The following PTPRD variants were observed in gnomAD, a reference collection of about 807,000 sequenced individuals.
The protein encoded by PTPRD is receptor-type tyrosine-protein phosphatase delta.
Under a neutral mutation model 214.5 loss-of-function variants are expected in PTPRD, and 34 were observed. The observed-to-expected ratio is 0.16, with a 90% confidence interval of 0.12 to 0.21. The LOEUF is 0.21. Among genes scored for constraint, PTPRD ranks in the 10% least tolerant of loss-of-function variants. The pLI, the probability that PTPRD is intolerant of heterozygous loss-of-function variation, is 1.00. For missense variants in PTPRD, 2,545 were observed against 2,398.7 expected, an observed-to-expected ratio of 1.06 and a Z score of -1.27; for synonymous variants, 1,128 against 845.7, an observed-to-expected ratio of 1.33 and a Z score of -5.79.
At chr9:8,432,836 T>A (rs893982259) in intron 35 of PTPRD, among the ~76,000 whole-genome samples, 1 of 152,186 alleles carries the variant, frequency 6.6e-6, no homozygotes, top group Non-Finnish European at 1.5e-5. Context: ...TCATGGATCA[T>A]CATCATGAAC....
intron 9 of PTPRD, among the ~76,000 whole-genome samples, chr9:9,373,650 C>G (rs898045346): frequency 6.6e-6 from 1 of 152,128 alleles, no homozygotes; most frequent in Non-Finnish European, 1.5e-5. Context: ...TTCTGCTCTT[C>G]TCTAATGAAA....
At chr9:10,013,064 A>G (rs762266980) in intron 4 of PTPRD, among the ~76,000 whole-genome samples, 2 of 151,968 alleles carry the variant, frequency 1.3e-5, no homozygotes, top group Admixed American at 6.6e-5. Context: ...GAAGTGGCAA[A>G]TCAATGATTT....
At chr9:9,265,392 T>C (rs1419799978) in intron 9 of PTPRD, among the ~76,000 whole-genome samples, 1 of 151,548 alleles carries the variant, frequency 6.6e-6, no homozygotes, top group Non-Finnish European at 1.5e-5. Context: ...TAGCTAGGAT[T>C]ACAGGCACAT....
intron 4 of PTPRD, among the ~76,000 whole-genome samples, chr9:9,969,993 C>A (rs541770248): frequency 6.6e-6 from 1 of 152,234 alleles, no homozygotes; most frequent in South Asian, 2.1e-4. Flanking sequence ...ATCTGGAGAA[C>A]TGTCATTCAG....
intron 9 of PTPRD, among the ~76,000 whole-genome samples, chr9:9,282,247 T>G (rs1324730580): frequency 6.6e-6 from 1 of 151,296 alleles, no homozygotes. Context: ...AATGTTTCAA[T>G]GTAGGCTCAT....
intron 35 of PTPRD, among the ~76,000 whole-genome samples, chr9:8,422,021 T>A (rs1168864294): frequency 6.6e-6 from 1 of 151,252 alleles, no homozygotes; most frequent in Non-Finnish European, 1.5e-5. Flanking sequence ...TGGTGTGTGT[T>A]TGTAATCTCA....
chr9:9,831,355 A>C (rs1231673928), intron 5 of PTPRD, among the ~76,000 whole-genome samples: 1 of 151,934 alleles, frequency 6.6e-6, no homozygotes, highest in Non-Finnish European at 1.5e-5. Context: ...ATTAAATCCT[A>C]TTACTTATGA....
At chr9:9,366,496 A>C (rs1274263335) in intron 9 of PTPRD, among the ~76,000 whole-genome samples, 1 of 151,516 alleles carries the variant, frequency 6.6e-6, no homozygotes, top group Non-Finnish European at 1.5e-5. Context: ...AGATTACTGA[A>C]ATTCAGCATT....
chr9:9,333,504 T>TTTTATATATATATATAATATTA (rs544075539), intron 9 of PTPRD, among the ~76,000 whole-genome samples: 111 of 137,232 alleles, frequency 8.1e-4, no homozygotes, highest in African/African-American at 3.0e-3. Flanking sequence ...ATATAGTATA[T>TTTTATATATATATATAATATTA]TATATATATA....
intron 7 of PTPRD, among the ~76,000 whole-genome samples, chr9:9,594,009 G>A (rs1027659226): frequency 1.3e-5 from 2 of 152,044 alleles, no homozygotes; most frequent in African/African-American, 4.8e-5. Flanking sequence ...TAGTACAGTG[G>A]TACTTGTATG....
In PTPRD at chr9:9,027,010, G is replaced by C. The variant is rs114844102; in HGVS notation, c.-142-8275C>G. ...CTTGAGTGCTGATTTCTTTCTCCCA[G>C]TTATGGCTTTTCTCCTTCACTGGAT... On this transcript the variant is annotated intron_variant, in intron 10 of 45. Coordinates refer to ENST00000381196, the MANE Select transcript of PTPRD (RefSeq NM_002839.4). 6.8e-3 allele frequency among the ~76,000 whole-genome samples: 1,027 copies of C among 151,452 alleles called. 8 individuals are homozygous for C. Among genetic ancestry groups the C allele is most frequent in the African/African-American group, 0.023 (951 of 41,326 alleles).
intron 38 of PTPRD, 34 bp from the exon 39 acceptor site, chr9:8,376,124 T>A: frequency 6.2e-7 from 1 of 1,609,268 alleles, no homozygotes; most frequent in East Asian, 2.2e-5. Context: ...AAATTCTGTT[T>A]TCCAAGCCTC....
At chr9:9,275,952 A>C (rs1262597681) in intron 9 of PTPRD, among the ~76,000 whole-genome samples, 1 of 151,264 alleles carries the variant, frequency 6.6e-6, no homozygotes, top group Non-Finnish European at 1.5e-5. Flanking sequence ...CTTATGCTCT[A>C]GGGGAAGAAA....
At chr9:9,792,132 C>T (rs115847783) in intron 5 of PTPRD, among the ~76,000 whole-genome samples, 3,317 of 151,550 alleles carry the variant, frequency 0.022, 107 homozygotes, top group African/African-American at 0.076. Flanking sequence ...TTAAAAAAAT[C>T]ACATTACTCT....
chr9:9,714,059 A>G (rs368067631), intron 7 of PTPRD, among the ~76,000 whole-genome samples: 99 of 147,538 alleles, frequency 6.7e-4, no homozygotes, highest in African/African-American at 2.4e-3. Flanking sequence ...TGACCCCAGT[A>G]CATCTTTTAC....
In PTPRD at chr9:10,386,607, T is replaced by C. The variant is rs535211235; in HGVS notation, c.-599-45590A>G. Among the ~76,000 whole-genome samples the C allele has an allele frequency of 1.6e-4, 24 of 151,676 alleles. No homozygotes were observed. The South Asian group carries it at 4.4e-3, about 28-fold the overall frequency. Reference sequence around the variant, plus strand: ...TAGGAGGTTGTAGACCATTAGCTGATAGAAGTCATTTTGCTGCCTTTTAGA... The same window carrying C: ...TAGGAGGTTGTAGACCATTAGCTGACAGAAGTCATTTTGCTGCCTTTTAGA... On this transcript the variant is annotated intron_variant, in intron 2 of 45. Transcript: ENST00000381196.
chr9:9,177,443 A>C, intron 10 of PTPRD, among the ~76,000 whole-genome samples: 1 of 152,128 alleles, frequency 6.6e-6, no homozygotes, highest in East Asian at 1.9e-4. Context: ...TGAACTGATA[A>C]GTACTGACTA....
intron 12 of PTPRD, among the ~76,000 whole-genome samples, chr9:8,658,370 C>G (rs1188950994): frequency 6.6e-6 from 1 of 152,150 alleles, no homozygotes; most frequent in Non-Finnish European, 1.5e-5. Context: ...CTGTGAGTCC[C>G]TCTCAGAACT....
chr9:10,458,003 G>A (rs1289636373), intron 2 of PTPRD, among the ~76,000 whole-genome samples: 2 of 151,768 alleles, frequency 1.3e-5, no homozygotes, highest in African/African-American at 4.8e-5. Context: ...AAGTGAATCA[G>A]GAATAAATAG....
Sources: allele counts gnomAD v4.1 joint callset (sites outside exome capture counted in the v4.1 genomes callset), GRCh38; gene constraint gnomAD v4.1.1; transcripts MANE v1.5; gene names NCBI Gene and HGNC (gene_info 2026-07-23, HGNC 2026-07-21).